ASCC2: variants seen among roughly 807,000 people sequenced by gnomAD.
ASCC2 encodes the protein activating signal cointegrator 1 complex subunit 2.
Under a neutral mutation model 93.5 loss-of-function variants are expected in ASCC2, and 42 were observed. That is an observed-to-expected ratio of 0.45 (90% confidence interval 0.35 to 0.58). The LOEUF is 0.58. Among genes scored for constraint, ASCC2 ranks in the 20% least tolerant of loss-of-function variants. ASCC2 has a pLI of 0.00. For missense variants in ASCC2, 859 were observed against 977.6 expected, an observed-to-expected ratio of 0.88 and a Z score of 1.62; for synonymous variants, 364 against 384.2, an observed-to-expected ratio of 0.95 and a Z score of 0.62.
At position 29,813,462 on chromosome 22, in the gene ASCC2, G is replaced by A; in HGVS notation, c.801C>T (p.Cys267=). Residue 267 remains cysteine (C), a synonymous_variant, in exon 8 of 20, where the codon TGC becomes TGT. Transcript: ENST00000307790. ...AAAAGTCGTGCTTCTGGAAGGTCTG[G>A]CAAGCCAAAGGGAAGATATCCAGAA... ...WAFLDIFPLA[C]QTFQKHDFCY... 6.2e-7 allele frequency: 1 copy of A among 1,614,048 alleles called. No individual in the cohort carries two copies. The highest frequency in any genetic ancestry group is 8.5e-7 in the Non-Finnish European group (1 of 1,179,886).
At chr22:29,793,771 C>T (rs976830036) in intron 15 of ASCC2, 95 bp from the exon 16 acceptor site, 11 of 1,167,036 alleles carry the variant, frequency 9.4e-6, no homozygotes, top group South Asian at 1.4e-5. Flanking sequence ...TTAACTGCTC[C>T]AGCCCTCAGA....
intron 15 of ASCC2, among the ~76,000 whole-genome samples, chr22:29,798,068 T>C (rs1192250567): frequency 6.6e-6 from 1 of 152,134 alleles, no homozygotes; most frequent in African/African-American, 2.4e-5. Context: ...CCGGCACAGA[T>C]ATTTTTAGAA....
At chr22:29,834,677 C>A in intron 1 of ASCC2, 1 of 394,162 alleles carries the variant, frequency 2.5e-6, no homozygotes, top group South Asian at 1.9e-5. Context: ...GTCTTACTAG[C>A]CTCTCACAAC....
In ASCC2 at chr22:29,825,731, G is replaced by A; in HGVS notation, c.131C>T (p.Pro44Leu). The A allele has an allele frequency of 6.2e-7, 1 of 1,614,168 alleles. No homozygotes were observed. The highest frequency in any genetic ancestry group is 8.5e-7 in the Non-Finnish European group (1 of 1,180,008). ...CACTAGGGCGGGAATGTTGTCTTTA[G>A]GGGGCGGTTTGTATAACACAAAATA... is the stretch of plus-strand genomic sequence containing the variant. The part of the protein sequence containing the change: ...DRYFVLYKPP[P>L]KDNIPALVEE... Residue 44 changes from proline (P) to leucine (L), a missense_variant, in exon 3 of 20, where the codon CCT becomes CTT. Pro to Leu is a moderately conservative substitution (Grantham distance 98). Coordinates refer to ENST00000307790, the MANE Select transcript of ASCC2 (RefSeq NM_032204.5). The surrounding 1 kb of genome is among the most constrained non-coding windows in gnomAD (Gnocchi z 4.9).
chr22:29,802,665 G>A (rs527693481), intron 13 of ASCC2, among the ~76,000 whole-genome samples: 123 of 151,974 alleles, frequency 8.1e-4, no homozygotes, highest in Non-Finnish European at 1.4e-3. Context: ...CCAGGTGGCC[G>A]GGTGTGGTGG....
chr22:29,803,274 CAAACAAAAACAAAT>C (rs1253408266), intron 13 of ASCC2, among the ~76,000 whole-genome samples: 2 of 149,800 alleles, frequency 1.3e-5, no homozygotes, highest in African/African-American at 2.5e-5. Context: ...AAAAAACAAA[CAAACAAAAACAAAT>C]AAATAATTAT....
chr22:29,825,338 G>A lies in ASCC2; in HGVS notation c.241-81C>T. On this transcript the variant is annotated intron_variant, in intron 3 of 19. Coordinates refer to ENST00000307790, the MANE Select transcript of ASCC2 (RefSeq NM_032204.5). The surrounding 1 kb of genome is among the most constrained non-coding windows in gnomAD (Gnocchi z 4.9). The stretch of plus-strand genomic sequence containing the variant: ...TGGGTGGACTGTGCAGGGACTCAAT[G>A]CCCATCAGCCCTGCCCTATTCCAAA... The A allele has an allele frequency of 6.9e-7, 1 of 1,447,482 alleles. No homozygotes were observed. Among genetic ancestry groups the A allele is most frequent in the Non-Finnish European group, 9.3e-7 (1 of 1,072,744 alleles). 89.7% of individuals were successfully genotyped at this position (1,447,482 alleles called of 1,614,324 possible).
rs1003738196 is a variant in ASCC2 at position 29,788,732 on chromosome 22, G to C, written c.*281C>G. The C allele has an allele frequency of 2.7e-5, 13 of 478,544 alleles. No individual in the cohort carries two copies. Among genetic ancestry groups the C allele is most frequent in the East Asian group, 1.5e-4 (4 of 26,038 alleles). The allele number at this position is 478,544 out of a possible 1,614,324, so 29.6% of individuals were successfully genotyped here. Reference sequence around the variant, plus strand: ...GCCCGAGGTTTGGGGCGCTTGCCTTGGGACTCCATCCCCATCTCTTTCCCG... The same window carrying C: ...GCCCGAGGTTTGGGGCGCTTGCCTTCGGACTCCATCCCCATCTCTTTCCCG... On this transcript the variant is annotated 3_prime_UTR_variant, in exon 20 of 20. Transcript: ENST00000307790.
At chr22:29,834,384 G>A in intron 1 of ASCC2, 1 of 417,934 alleles carries the variant, frequency 2.4e-6, no homozygotes. Context: ...GGTGGAAACA[G>A]CCTGGTACCC....
chr22:29,817,848 T>C, intron 5 of ASCC2, among the ~76,000 whole-genome samples: 1 of 152,142 alleles, frequency 6.6e-6, no homozygotes, highest in East Asian at 1.9e-4. Context: ...CTTTGAAATG[T>C]CCCTTCTCAG....
intron 5 of ASCC2, among the ~76,000 whole-genome samples, chr22:29,819,696 A>G (rs2061328409): frequency 6.6e-6 from 1 of 152,052 alleles, no homozygotes; most frequent in African/African-American, 2.4e-5. Context: ...GCCCTTCCCA[A>G]TCTGGCTCCA....
At chr22:29,830,561 C>A (rs1367100380) in intron 2 of ASCC2, among the ~76,000 whole-genome samples, 7 of 41,322 alleles carry the variant, frequency 1.7e-4, no homozygotes, top group Admixed American at 3.2e-4. Flanking sequence ...GCTGCACGTA[C>A]CCTCCCACCA....
intron 8 of ASCC2, chr22:29,810,068 C>G (rs1459940147): frequency 6.6e-6 from 1 of 152,392 alleles, no homozygotes; most frequent in Admixed American, 6.5e-5. Context: ...TCAGCACTCC[C>G]ACAGCCCTCT....
intron 8 of ASCC2, among the ~76,000 whole-genome samples, chr22:29,810,796 TC>T (rs944743417): frequency 6.6e-6 from 1 of 151,900 alleles, no homozygotes; most frequent in African/African-American, 2.4e-5. Context: ...AGTGGTGCAA[TC>T]CCTGCTCACT....
At position 29,825,054 on chromosome 22, in the gene ASCC2, G is replaced by C. The variant is rs1279241023; in HGVS notation, c.411+33C>G. On this transcript the variant is annotated intron_variant, in intron 4 of 19. Transcript: ENST00000307790. This position sits in a 1 kb window ranked among gnomAD's most constrained non-coding sequence, Gnocchi z 4.9. ...GCCCGGCACAGAGGTGTCGAGTATCGGGTGATGACCTGTCATGGGATCAGT... is the reference window on the plus strand; with the variant it reads ...GCCCGGCACAGAGGTGTCGAGTATCCGGTGATGACCTGTCATGGGATCAGT... 2 of 1,379,766 alleles carry C rather than the reference G, an allele frequency of 1.4e-6. No homozygotes were observed. 85.5% of individuals were successfully genotyped at this position (1,379,766 alleles called of 1,614,324 possible).
At chr22:29,820,016 C>T (rs1029203222) in intron 5 of ASCC2, among the ~76,000 whole-genome samples, 11 of 151,744 alleles carry the variant, frequency 7.2e-5, no homozygotes, top group East Asian at 1.9e-4. Flanking sequence ...CATGCCACCA[C>T]GCCTAATTTT....
intron 4 of ASCC2, among the ~76,000 whole-genome samples, chr22:29,823,212 T>C (rs2061818595): frequency 6.6e-6 from 1 of 151,818 alleles, no homozygotes; most frequent in Non-Finnish European, 1.5e-5. Context: ...CTAATTTTTG[T>C]ATTTTTAGTA....
intron 18 of ASCC2, among the ~76,000 whole-genome samples, chr22:29,792,131 G>C (rs1428076694): frequency 6.6e-6 from 1 of 152,196 alleles, no homozygotes; most frequent in African/African-American, 2.4e-5. Flanking sequence ...TTGCCATCCT[G>C]GGTATGGTGC....
At chr22:29,793,334 G>C (rs2058013192) in intron 17 of ASCC2, 26 bp downstream of exon 17, 1 of 1,611,650 alleles carries the variant, frequency 6.2e-7, no homozygotes, top group East Asian at 2.2e-5. Flanking sequence ...CTCTGCCCTG[G>C]AACGCCACCC....
Sources: gnomAD v4.1 joint callset for allele counts (sites outside exome capture counted in the v4.1 genomes callset) on GRCh38, gnomAD v4.1.1 for gene constraint, Gnocchi (gnomAD v3.1) non-coding constraint, MANE v1.5 for transcripts, NCBI Gene and HGNC (gene_info 2026-07-23, HGNC 2026-07-21) for gene names.